The following CMC1 variants were observed in gnomAD, a reference collection of about 807,000 sequenced individuals.
CMC1 encodes the protein C-X9-C motif containing 1, also known as COX assembly mitochondrial protein homolog.
CMC1 carries 14 observed loss-of-function variants against 14.1 expected under a neutral mutation model. The observed-to-expected ratio is 0.99, with a 90% CI of 0.66 to 1.55. The LOEUF (loss-of-function observed/expected upper bound fraction) is 1.55. Among genes scored for constraint, CMC1 ranks in the 40% most tolerant of loss-of-function variants. The pLI, the probability that CMC1 is intolerant of heterozygous loss-of-function variation, is 0.00. For missense variants in CMC1, 127 were observed against 123.8 expected, an observed-to-expected ratio of 1.03 and a Z score of -0.12; for synonymous variants, 50 against 38.4, an observed-to-expected ratio of 1.30 and a Z score of -1.12.
chr3:28,314,183 T>C (rs943570594), intron 2 of CMC1, among the ~76,000 whole-genome samples: 7 of 152,216 alleles, frequency 4.6e-5, no homozygotes, highest in African/African-American at 1.4e-4. Context: ...TCGTAGTCTT[T>C]GCTTATGTAA....
chr3:28,324,591 G>A lies in CMC1; in HGVS notation c.*4962G>A, dbSNP rs1703311860. 1 of 672,716 alleles carries A rather than the reference G, an allele frequency of 1.5e-6. No individual in the cohort carries two copies. Among genetic ancestry groups the A allele is most frequent in the African/African-American group, 1.8e-5 (1 of 54,250 alleles). 41.7% of individuals were successfully genotyped at this position (672,716 alleles called of 1,614,324 possible). On this transcript the variant is annotated 3_prime_UTR_variant, in exon 4 of 4. Coordinates refer to ENST00000466830, the MANE Select transcript of CMC1 (RefSeq NM_182523.2). Reference sequence around the variant, plus strand: ...AAGTTAGTGTGATCATTGAGGCACTGTGACTAGGAGATAAATGACAGATGA... The same window carrying A: ...AAGTTAGTGTGATCATTGAGGCACTATGACTAGGAGATAAATGACAGATGA...
intron 1 of CMC1, chr3:28,253,583 A>G: frequency 5.0e-6 from 2 of 398,206 alleles, no homozygotes; most frequent in South Asian, 2.0e-5. Flanking sequence ...TCTGTCTCAA[A>G]AAACAAAAAC....
Position 28,258,353 on chromosome 3 carries a change from C to G in CMC1, c.20-4938C>G, listed in dbSNP as rs1290620848. Among the ~76,000 whole-genome samples, 4 of 151,370 alleles carry G rather than the reference C, an allele frequency of 2.6e-5. No homozygotes were observed. In the East Asian group the frequency reaches 7.7e-4, roughly 29 times the overall value. ...TAATTTATTTTTACTGCCTTATGCC[C>G]TTTTTGAGAAACTGTCTACTCCAAG... On this transcript the variant is annotated intron_variant, in intron 1 of 3. Transcript: ENST00000466830.
intron 2 of CMC1, among the ~76,000 whole-genome samples, chr3:28,265,466 G>A (rs1055372198): frequency 1.1e-4 from 16 of 152,008 alleles, no homozygotes; most frequent in African/African-American, 3.9e-4. Flanking sequence ...TATAGCTTTT[G>A]CTTTATTAAA....
intron 1 of CMC1, 80 bp downstream of exon 1, chr3:28,241,892 C>G: frequency 8.2e-7 from 1 of 1,213,686 alleles, no homozygotes; most frequent in Non-Finnish European, 1.0e-6. Context: ...TGGATGCCGA[C>G]CTGGGAAAGG....
At chr3:28,311,372 C>G (rs971312882) in intron 2 of CMC1, among the ~76,000 whole-genome samples, 3 of 152,178 alleles carry the variant, frequency 2.0e-5, no homozygotes, top group Non-Finnish European at 4.4e-5. Flanking sequence ...GCAGGGAGAC[C>G]TACAATTGTG....
intron 1 of CMC1, among the ~76,000 whole-genome samples, chr3:28,249,986 C>T (rs191225942): frequency 4.1e-4 from 63 of 151,984 alleles, no homozygotes; most frequent in Admixed American, 9.2e-4. Flanking sequence ...GAGGAGAGAA[C>T]GAGAAGGAGA....
chr3:28,255,264 A>G (rs1414086063), intron 1 of CMC1, among the ~76,000 whole-genome samples: 2 of 142,056 alleles, frequency 1.4e-5, no homozygotes, highest in Non-Finnish European at 3.0e-5. Flanking sequence ...TTTTTGAGAC[A>G]GAGTCTCGCT....
chr3:28,290,501 C>T (rs1577056989), intron 2 of CMC1, among the ~76,000 whole-genome samples: 2 of 152,182 alleles, frequency 1.3e-5, no homozygotes, highest in South Asian at 2.1e-4. Flanking sequence ...TCATCCCCAC[C>T]CCACCTTGCA....
chr3:28,251,421 G>A (rs550812265), intron 1 of CMC1, among the ~76,000 whole-genome samples: 3 of 152,218 alleles, frequency 2.0e-5, no homozygotes, highest in Admixed American at 6.5e-5. Flanking sequence ...ATCTGCCCTC[G>A]TGTCCCAAAC....
intron 1 of CMC1, among the ~76,000 whole-genome samples, chr3:28,244,740 G>A (rs1698720819): frequency 6.6e-6 from 1 of 150,920 alleles, no homozygotes; most frequent in Non-Finnish European, 1.5e-5. Context: ...AAAAAAAAAA[G>A]AGGAAATAGG....
intron 1 of CMC1, among the ~76,000 whole-genome samples, chr3:28,254,432 G>T (rs1215377822): frequency 1.3e-5 from 2 of 151,994 alleles, no homozygotes; most frequent in African/African-American, 4.8e-5. Flanking sequence ...TTAATACCAA[G>T]AATTTGGAAA....
intron 2 of CMC1, among the ~76,000 whole-genome samples, chr3:28,306,574 A>G (rs1290392549): frequency 2.6e-5 from 4 of 152,096 alleles, no homozygotes; most frequent in Non-Finnish European, 2.9e-5. Context: ...GTAGTCTTTT[A>G]GAGGAATCTT....
chr3:28,304,448 C>T (rs906161556), intron 2 of CMC1, among the ~76,000 whole-genome samples: 2 of 152,020 alleles, frequency 1.3e-5, no homozygotes, highest in African/African-American at 4.8e-5. Flanking sequence ...TAATGCATCA[C>T]ACATAAGAAG....
chr3:28,300,033 G>A (rs1701944723), intron 2 of CMC1, among the ~76,000 whole-genome samples: 1 of 152,064 alleles, frequency 6.6e-6, no homozygotes, highest in South Asian at 2.1e-4. Context: ...TGTTAACTAT[G>A]GATACTATAC....
Position 28,316,339 on chromosome 3 carries a change from C to A in CMC1, c.116C>A (p.Thr39Asn). ...ERCSEQVQDF[T>N]KCCKNSGVLM... ...CCTTCCAAATTTATTTCAGATTTTA[C>A]CAAATGTTGCAAGAACTCTGGAGTT... The change falls in exon 3 of 4, where the codon ACC (threonine) becomes AAC (asparagine). Residue 39 changes from threonine (T) to asparagine (N), a missense_variant. Coordinates refer to ENST00000466830, the MANE Select transcript of CMC1 (RefSeq NM_182523.2). 6.5e-7 allele frequency: 1 copy of A among 1,545,048 alleles called. No individual in the cohort carries two copies. The highest frequency in any genetic ancestry group is 8.7e-7 in the Non-Finnish European group (1 of 1,143,762).
intron 2 of CMC1, among the ~76,000 whole-genome samples, chr3:28,278,690 A>T (rs1382280924): frequency 1.3e-5 from 2 of 152,216 alleles, no homozygotes; most frequent in Non-Finnish European, 2.9e-5. Context: ...ACAGTGGGGA[A>T]TAGAAAGACA....
At chr3:28,300,613 C>G in intron 2 of CMC1, among the ~76,000 whole-genome samples, 1 of 121,618 alleles carries the variant, frequency 8.2e-6, no homozygotes, top group African/African-American at 3.3e-5. Flanking sequence ...CTTCCTTCCT[C>G]CCTCCCTCCC....
rs529199048 is a variant in CMC1 at position 28,302,324 on chromosome 3, C to CTGTTT, written c.110-13992_110-13988dup. ...GAAGGCTCCATGTTCAAAAGTTTGC[C>CTGTTT]TGTTTTGTTTTGTTTTGTTTTTTGT... On this transcript the variant is annotated intron_variant, in intron 2 of 3. Coordinates refer to ENST00000466830, the MANE Select transcript of CMC1 (RefSeq NM_182523.2). Among the ~76,000 whole-genome samples the CTGTTT allele has an allele frequency of 8.5e-5, 13 of 152,242 alleles. 1 individual carries two copies. Among genetic ancestry groups the CTGTTT allele is most frequent in the South Asian group, 8.3e-4 (4 of 4,822 alleles).
Sources: allele counts gnomAD v4.1 joint callset (sites outside exome capture counted in the v4.1 genomes callset), GRCh38; gene constraint gnomAD v4.1.1; transcripts MANE v1.5; gene names NCBI Gene and HGNC (gene_info 2026-07-23, HGNC 2026-07-21).